GKAP1: variants seen among roughly 807,000 people sequenced by gnomAD.
GKAP1 encodes G kinase-anchoring protein 1.
Under a neutral mutation model 56.7 loss-of-function variants are expected in GKAP1, and 31 were observed. That is an observed-to-expected ratio of 0.55 (90% CI 0.41 to 0.74). GKAP1 has a LOEUF of 0.74. Ranked by LOEUF, GKAP1 falls within the 30% of genes least tolerant of loss-of-function variation. The pLI, the probability that GKAP1 is intolerant of heterozygous loss-of-function variation, is 0.00. For synonymous variants in GKAP1, 151 were observed against 138.6 expected (o/e 1.09, Z -0.63); for missense variants, 364 against 402.3 (o/e 0.90, Z 0.82).
At chr9:83,766,059 T>A in intron 8 of GKAP1, among the ~76,000 whole-genome samples, 1 of 152,178 alleles carries the variant, frequency 6.6e-6, no homozygotes, top group East Asian at 1.9e-4. Flanking sequence ...ATAATTCCCA[T>A]GAGTCCAGGG....
intron 2 of GKAP1, among the ~76,000 whole-genome samples, chr9:83,810,385 A>C (rs924663706): frequency 1.8e-4 from 28 of 152,262 alleles, no homozygotes; most frequent in African/African-American, 6.8e-4. Context: ...AAGCAAGTAC[A>C]ATTCTCTCAT....
intron 4 of GKAP1, among the ~76,000 whole-genome samples, chr9:83,789,329 TA>T (rs1944116309): frequency 6.6e-6 from 1 of 152,202 alleles, no homozygotes; most frequent in Non-Finnish European, 1.5e-5. Flanking sequence ...CCAATCCAAT[TA>T]ATCTCTACAA....
intron 8 of GKAP1, among the ~76,000 whole-genome samples, chr9:83,761,276 A>G (rs183433188): frequency 3.3e-5 from 5 of 152,286 alleles, no homozygotes; most frequent in Admixed American, 3.3e-4. Context: ...TCAAAGGATC[A>G]TTAGTGGCTA....
At chr9:83,812,204 T>C (rs931235880) in intron 2 of GKAP1, among the ~76,000 whole-genome samples, 1 of 149,558 alleles carries the variant, frequency 6.7e-6, no homozygotes, top group African/African-American at 2.5e-5. Context: ...CACATATATA[T>C]ACACATACAT....
intron 7 of GKAP1, among the ~76,000 whole-genome samples, chr9:83,779,620 C>CATGTATATGTGTATAT: frequency 6.8e-6 from 1 of 146,132 alleles, no homozygotes; most frequent in African/African-American, 2.6e-5. Context: ...TATACACACA[C>CATGTATATGTGTATAT]ACACACACAC....
At chr9:83,742,213 G>GAGA (rs1157772660) in intron 11 of GKAP1, among the ~76,000 whole-genome samples, 184 bp from the exon 12 acceptor site, 3 of 152,074 alleles carry the variant, frequency 2.0e-5, no homozygotes, top group Non-Finnish European at 4.4e-5. Flanking sequence ...ACTGTCCTGA[G>GAGA]AGAAGAAGAC....
chr9:83,758,461 G>C (rs1031980374), intron 8 of GKAP1, among the ~76,000 whole-genome samples: 3 of 152,136 alleles, frequency 2.0e-5, no homozygotes, highest in Admixed American at 6.5e-5. Context: ...GGCTGGATAC[G>C]GTGGCTCATG....
intron 10 of GKAP1, among the ~76,000 whole-genome samples, chr9:83,744,394 T>C (rs1564186694): frequency 6.6e-6 from 1 of 152,190 alleles, no homozygotes; most frequent in Non-Finnish European, 1.5e-5. Flanking sequence ...CTTGGTTCAC[T>C]GTGTGTTAGG....
intron 7 of GKAP1, among the ~76,000 whole-genome samples, chr9:83,769,327 T>C (rs963038707): frequency 6.6e-6 from 1 of 152,084 alleles, no homozygotes; most frequent in African/African-American, 2.4e-5. Flanking sequence ...ATCACCCCAA[T>C]CAACTATATA....
At chr9:83,750,726 G>A (rs1417391015) in intron 9 of GKAP1, among the ~76,000 whole-genome samples, 1 of 151,934 alleles carries the variant, frequency 6.6e-6, no homozygotes, top group African/African-American at 2.4e-5. Flanking sequence ...ATTCTTCTTT[G>A]ACTAATATTA....
At chr9:83,777,495 C>G (rs1283353469) in intron 7 of GKAP1, among the ~76,000 whole-genome samples, 1 of 152,122 alleles carries the variant, frequency 6.6e-6, no homozygotes, top group South Asian at 2.1e-4. Flanking sequence ...CAAGCACCTA[C>G]TCTAGACAGA....
chr9:83,756,470 C>CAAAAAAAAAAAA (rs142896755), intron 8 of GKAP1, among the ~76,000 whole-genome samples: 1 of 75,440 alleles, frequency 1.3e-5, no homozygotes, highest in African/African-American at 5.1e-5. Flanking sequence ...GACTCCATCT[C>CAAAAAAAAAAAA]AAAAAAAAAA....
chr9:83,760,376 T>C (rs1417009923), intron 8 of GKAP1, among the ~76,000 whole-genome samples: 1 of 152,128 alleles, frequency 6.6e-6, no homozygotes, highest in Non-Finnish European at 1.5e-5. Flanking sequence ...AAGCAAATAT[T>C]ATTAGAGCTA....
intron 2 of GKAP1, among the ~76,000 whole-genome samples, chr9:83,811,013 G>T (rs1369908867): frequency 6.6e-6 from 1 of 152,158 alleles, no homozygotes; most frequent in Admixed American, 6.6e-5. Context: ...TATATCTAAA[G>T]AAAAGGTACA....
At chr9:83,803,939 G>A (rs1290154241) in intron 3 of GKAP1, among the ~76,000 whole-genome samples, 1 of 151,298 alleles carries the variant, frequency 6.6e-6, no homozygotes, top group Non-Finnish European at 1.5e-5. Context: ...CCTCTGCCCG[G>A]CCGCGACCCC....
intron 6 of GKAP1, among the ~76,000 whole-genome samples, chr9:83,782,327 T>C (rs1172184245): frequency 1.3e-5 from 2 of 151,864 alleles, no homozygotes; most frequent in Non-Finnish European, 2.9e-5. Context: ...ATAGATTTCT[T>C]AGGTGAAATC....
rs568313276 is a variant in GKAP1 at position 83,788,184 on chromosome 9, G to A, written c.438+417C>T. Among the ~76,000 whole-genome samples, 10 of 152,234 alleles carry A rather than the reference G, an allele frequency of 6.6e-5. No homozygotes were observed. In the East Asian group the frequency reaches 9.7e-4, roughly 15 times the overall value. ...TCCCAGCTACTCAGGAGGCTGAGGCGTGAGAATCGCTTGAACCTGGGAGGC... is the reference window on the plus strand; with the variant it reads ...TCCCAGCTACTCAGGAGGCTGAGGCATGAGAATCGCTTGAACCTGGGAGGC... On this transcript the variant is annotated intron_variant, in intron 5 of 12. Coordinates refer to ENST00000376371, the MANE Select transcript of GKAP1 (RefSeq NM_025211.4).
intron 2 of GKAP1, among the ~76,000 whole-genome samples, chr9:83,808,379 G>A (rs373979645): frequency 1.3e-4 from 20 of 152,086 alleles, no homozygotes; most frequent in Admixed American, 8.5e-4. Context: ...GCAGGTCACT[G>A]GAGGCCAGGA....
intron 3 of GKAP1, among the ~76,000 whole-genome samples, chr9:83,800,175 T>C (rs955614467): frequency 6.6e-6 from 1 of 151,988 alleles, no homozygotes; most frequent in Non-Finnish European, 1.5e-5. Flanking sequence ...GACAAAGTAG[T>C]TGAAACGAGA....
Sources: allele counts gnomAD v4.1 joint callset (sites outside exome capture counted in the v4.1 genomes callset), GRCh38; gene constraint gnomAD v4.1.1; transcripts MANE v1.5; gene names NCBI Gene and HGNC (gene_info 2026-07-23, HGNC 2026-07-21).